NCLN: variants seen among roughly 807,000 people sequenced by gnomAD.
NCLN encodes nicalin, also known as BOS complex subunit NCLN.
Under a neutral mutation model 69.5 loss-of-function variants are expected in NCLN, and 34 were observed. The ratio of observed to expected loss-of-function variants is 0.49; its 90% CI spans 0.37 to 0.65. The LOEUF is 0.65. Ranked by LOEUF, NCLN falls within the 30% of genes least tolerant of loss-of-function variation. The pLI, the probability that NCLN is intolerant of heterozygous loss-of-function variation, is 0.00. For synonymous variants in NCLN, 393 were observed against 358.3 expected, an observed-to-expected ratio of 1.10 and a Z score of -1.09; for missense variants, 710 against 804.8, an observed-to-expected ratio of 0.88 and a Z score of 1.42.
chr19:3,185,966 C>CG lies in NCLN; in HGVS notation c.-62dup. 7.6e-7 allele frequency: 1 copy of CG among 1,319,174 alleles called. No individual in the cohort carries two copies. Among genetic ancestry groups the CG allele is most frequent in the Non-Finnish European group, 9.8e-7 (1 of 1,023,690 alleles). 81.7% of individuals were successfully genotyped at this position (1,319,174 alleles called of 1,614,324 possible). A position where few individuals can be genotyped will look rare whatever the true frequency, so the allele number is the denominator to read the frequency against. On this transcript the variant is annotated 5_prime_UTR_variant, in exon 1 of 15. Transcript: ENST00000246117. The stretch of plus-strand genomic sequence containing the variant: ...GGCTACCCATGCCGAGGTGAGTCCG[C>CG]GGGAGCCGCCGCCGCCGCCGTCCCG...
intron 1 of NCLN, among the ~76,000 whole-genome samples, chr19:3,187,734 G>T (rs1449840632): frequency 6.6e-6 from 1 of 152,154 alleles, no homozygotes. Flanking sequence ...AGAACGATCC[G>T]GCCCTAATGT....
Position 3,186,117 on chromosome 19 carries a change from G to C in NCLN, c.87G>C (p.Val29=). ...PLGFIVFLPA[V]LLLVAPPLPA... is the part of the protein sequence containing the mutation. The stretch of plus-strand genomic sequence containing the variant: ...GCTTCATCGTCTTCCTGCCCGCTGT[G>C]CTGCTGCTGGTGGCGCCGCCGCTGC... Residue 29 remains valine, a synonymous_variant, in exon 1 of 15, where the codon GTG becomes GTC. Coordinates refer to ENST00000246117, the MANE Select transcript of NCLN (RefSeq NM_020170.4). 6.3e-7 allele frequency: 1 copy of C among 1,598,050 alleles called. No individual in the cohort carries two copies. Among genetic ancestry groups the C allele is most frequent in the South Asian group, 1.1e-5 (1 of 89,728 alleles).
In NCLN at chr19:3,185,993, C is replaced by T. The variant is rs1568307723; in HGVS notation, c.-38C>T. 4 of 1,462,732 alleles carry T rather than the reference C, an allele frequency of 2.7e-6. No individual in the cohort carries two copies. Among genetic ancestry groups the T allele is most frequent in the Admixed American group, 2.6e-5 (1 of 38,070 alleles). 90.6% of individuals were successfully genotyped at this position (1,462,732 alleles called of 1,614,324 possible). A position where few individuals can be genotyped will look rare whatever the true frequency, so the allele number is the denominator to read the frequency against. ...GGAGCCGCCGCCGCCGCCGTCCCGTCCCAGCTGCCGCCCCGCGCGGCCCCG... is the reference window on the plus strand; with the variant it reads ...GGAGCCGCCGCCGCCGCCGTCCCGTTCCAGCTGCCGCCCCGCGCGGCCCCG... On this transcript the variant is annotated 5_prime_UTR_variant, in exon 1 of 15. Coordinates refer to ENST00000246117, the MANE Select transcript of NCLN (RefSeq NM_020170.4).
At chr19:3,193,191 C>T in intron 2 of NCLN, 93 bp from the exon 3 acceptor site, 2 of 1,283,846 alleles carry the variant, frequency 1.6e-6, no homozygotes, top group Non-Finnish European at 2.2e-6. Flanking sequence ...ACTGGGCCCC[C>T]TGCTACCCCC....
At position 3,204,769 on chromosome 19, in the gene NCLN, TGCCCGGCCC is replaced by T; in HGVS notation, c.1208+19_1208+27del. 4.1e-6 allele frequency: 6 copies of T among 1,452,964 alleles called. No homozygotes were observed. The highest frequency in any genetic ancestry group is 5.4e-6 in the Non-Finnish European group (6 of 1,102,774). 90.0% of individuals were successfully genotyped at this position (1,452,964 alleles called of 1,614,324 possible). A position where few individuals can be genotyped will look rare whatever the true frequency, so the allele number is the denominator to read the frequency against. ...GACGTGCGGTGAGCGCGGCAGCACC[TGCCCGGCCC>T]CTCCTAGGGCTTTCCTGGGGGCTGA... On this transcript the variant is annotated intron_variant, in intron 9 of 14. Coordinates refer to ENST00000246117, the MANE Select transcript of NCLN (RefSeq NM_020170.4).
At chr19:3,203,716 C>T (rs771571522) in intron 6 of NCLN, 40 bp from the exon 7 acceptor site, 41 of 1,563,470 alleles carry the variant, frequency 2.6e-5, no homozygotes, top group East Asian at 1.4e-4. Context: ...CCACCCCAGG[C>T]GCTTGCCCGT....
Position 3,192,736 on chromosome 19 carries a change from G to A in NCLN, c.375+76G>A, listed in dbSNP as rs562312346. The A allele has an allele frequency of 1.6e-4, 216 of 1,354,908 alleles. No individual in the cohort carries two copies. The African/African-American group carries it at 2.8e-3, about 18-fold the overall frequency. The allele number at this position is 1,354,908 out of a possible 1,614,324, so 83.9% of individuals were successfully genotyped here. A position where few individuals can be genotyped will look rare whatever the true frequency, so the allele number is the denominator to read the frequency against. ...GTTGGAGGCAACTGTGTGACCCTAG[G>A]CGGGTCACTTCGCCTCTCTGAGCCC... is the stretch of plus-strand genomic sequence containing the variant. On this transcript the variant is annotated intron_variant, in intron 2 of 14. Transcript: ENST00000246117.
In NCLN at chr19:3,204,132, G is replaced by A. The variant is rs2144916533; in HGVS notation, c.1017G>A (p.Arg339=). Residue 339 remains arginine, a synonymous_variant, in exon 8 of 15, where the codon CGG becomes CGA. Coordinates refer to ENST00000246117, the MANE Select transcript of NCLN (RefSeq NM_020170.4). The part of the protein sequence containing the change: ...REGTLQHAFL[R]ELETVAAHQF... ...GCACCCTGCAGCACGCCTTCCTGCGGGAGCTGGAGACGGTGGGTGCCCCTT... is the reference window on the plus strand; with the variant it reads ...GCACCCTGCAGCACGCCTTCCTGCGAGAGCTGGAGACGGTGGGTGCCCCTT... The A allele has an allele frequency of 2.6e-6, 4 of 1,513,926 alleles. No individual in the cohort carries two copies. Among genetic ancestry groups the A allele is most frequent in the Non-Finnish European group, 3.5e-6 (4 of 1,133,216 alleles). 93.8% of individuals were successfully genotyped at this position (1,513,926 alleles called of 1,614,324 possible). A position where few individuals can be genotyped will look rare whatever the true frequency, so the allele number is the denominator to read the frequency against.
rs539430219 is a variant in NCLN, at chr19:3,198,956, C to T, written c.696+59C>T. 2.4e-6 allele frequency: 3 copies of T among 1,263,356 alleles called. No homozygotes were observed. In the East Asian group the frequency reaches 8.5e-5, roughly 36 times the overall value. The allele number at this position is 1,263,356 out of a possible 1,614,324, so 78.3% of individuals were successfully genotyped here. A position where few individuals can be genotyped will look rare whatever the true frequency, so the allele number is the denominator to read the frequency against. Reference sequence around the variant, plus strand: ...CAGGGCTTGGATTCTGGCTCCAGTCCAGTGCCGAGGCAAAGCGCCTGTAGG... The same window carrying T: ...CAGGGCTTGGATTCTGGCTCCAGTCTAGTGCCGAGGCAAAGCGCCTGTAGG... On this transcript the variant is annotated intron_variant, in intron 5 of 14. Coordinates refer to ENST00000246117, the MANE Select transcript of NCLN (RefSeq NM_020170.4).
In NCLN at chr19:3,205,229, G is replaced by T. The variant is rs1168591635; in HGVS notation, c.1208+478G>T. 6.6e-6 allele frequency among the ~76,000 whole-genome samples: 1 copy of T among 152,216 alleles called. No individual in the cohort carries two copies. Among genetic ancestry groups the T allele is most frequent in the Non-Finnish European group, 1.5e-5 (1 of 68,028 alleles). On this transcript the variant is annotated intron_variant, in intron 9 of 14. Transcript: ENST00000246117. This position sits in a 1 kb window ranked among gnomAD's most constrained non-coding sequence, Gnocchi z 4.6. ...TGCCATCATGTGAGCCCCTGGGCAG[G>T]CTTTTGTGGAGCCTGGAACTGTCTG...
At position 3,207,929 on chromosome 19, in the gene NCLN, G is replaced by A. The variant is rs1293904474; in HGVS notation, c.*241G>A. 13 of 529,106 alleles carry A rather than the reference G, an allele frequency of 2.5e-5. No individual in the cohort carries two copies. The highest frequency in any genetic ancestry group is 2.2e-4 in the East Asian group (7 of 31,552). The allele number at this position is 529,106 out of a possible 1,614,324, so 32.8% of individuals were successfully genotyped here. A position where few individuals can be genotyped will look rare whatever the true frequency, so the allele number is the denominator to read the frequency against. ...TGGAGGAGAGCTTGGGAGACGTCCC[G>A]GGGCCAGGCTACGGACTTGCGGACG... is the stretch of plus-strand genomic sequence containing the variant. On this transcript the variant is annotated 3_prime_UTR_variant, in exon 15 of 15. Transcript: ENST00000246117.
At chr19:3,191,731 AC>A (rs1420909104) in intron 1 of NCLN, among the ~76,000 whole-genome samples, 2 of 152,092 alleles carry the variant, frequency 1.3e-5, no homozygotes, top group Non-Finnish European at 2.9e-5. Flanking sequence ...GGCTGCACTC[AC>A]CCTGCCTGCA....
At chr19:3,193,923 T>C (rs913014721) in intron 3 of NCLN, among the ~76,000 whole-genome samples, 4 of 152,136 alleles carry the variant, frequency 2.6e-5, no homozygotes, top group East Asian at 3.9e-4. Flanking sequence ...TGGTGGGACC[T>C]GTGGTGGGGA....
In NCLN at chr19:3,193,273, C is replaced by G; in HGVS notation, c.376-11C>G. The stretch of plus-strand genomic sequence containing the variant: ...GGCCAGCAGCCCCCTAAGTGTGTGT[C>G]TGCTCCACAGCAATTCATGGAGATC... On this transcript the variant is annotated splice_polypyrimidine_tract_variant and intron_variant, in intron 2 of 14. Coordinates refer to ENST00000246117, the MANE Select transcript of NCLN (RefSeq NM_020170.4). 6.2e-7 allele frequency: 1 copy of G among 1,607,580 alleles called. No homozygotes were observed. The highest frequency in any genetic ancestry group is 8.5e-7 in the Non-Finnish European group (1 of 1,177,724).
chr19:3,196,915 CCTCA>C, intron 4 of NCLN, among the ~76,000 whole-genome samples: 1 of 152,244 alleles, frequency 6.6e-6, no homozygotes, highest in Non-Finnish European at 1.5e-5. Context: ...TGAGGGGTTG[CCTCA>C]CTGTCGGGGG....
rs1319954073 is a variant in NCLN at position 3,205,316 on chromosome 19, C to G, written c.1208+565C>G. ...AGCAGGTGGGCGCCGTCTCCTCCCC[C>G]AGCGCCCGCAGTCCCGGCATAGATC... On this transcript the variant is annotated intron_variant, in intron 9 of 14. Coordinates refer to ENST00000246117, the MANE Select transcript of NCLN (RefSeq NM_020170.4). The surrounding 1 kb of genome is among the most constrained non-coding windows in gnomAD (Gnocchi z 4.6). Among the ~76,000 whole-genome samples, 1 of 152,164 alleles carries G rather than the reference C, an allele frequency of 6.6e-6. No homozygotes were observed. Among genetic ancestry groups the G allele is most frequent in the Non-Finnish European group, 1.5e-5 (1 of 68,030 alleles).
chr19:3,195,937 A>G (rs1915944097), intron 3 of NCLN, among the ~76,000 whole-genome samples: 1 of 152,186 alleles, frequency 6.6e-6, no homozygotes, highest in Admixed American at 6.5e-5. Context: ...GGAGGAAAGG[A>G]TCAGAATGGC....
In NCLN at chr19:3,207,683, C is replaced by A; in HGVS notation, c.1687C>A (p.Gln563Lys). The A allele has an allele frequency of 6.2e-7, 1 of 1,612,352 alleles. No homozygotes were observed. The highest frequency in any genetic ancestry group is 8.5e-7 in the Non-Finnish European group (1 of 1,179,498). The change falls in exon 15 of 15, where the codon CAG becomes AAG. Residue 563 changes from glutamine (Q) to lysine (K), a missense_variant. Coordinates refer to ENST00000246117, the MANE Select transcript of NCLN (RefSeq NM_020170.4). ...GAGGCTGCTCGTGAAGGCCAAGACA[C>A]AGTGACACAGCCACCCCCACAGCCG... is the stretch of plus-strand genomic sequence containing the variant. ...VQRLLVKAKTQ is the reference protein window; with the variant it reads ...VQRLLVKAKTK
chr19:3,201,513 G>A lies in NCLN; in HGVS notation c.697-10G>A, dbSNP rs544186420. On this transcript the variant is annotated splice_polypyrimidine_tract_variant and intron_variant, in intron 5 of 14. Coordinates refer to ENST00000246117, the MANE Select transcript of NCLN (RefSeq NM_020170.4). The stretch of plus-strand genomic sequence containing the variant: ...GGGTGACTGTGGCCTTGCCTCTCCC[G>A]TCCCTGTAGTGGCTGTCGCTGGGCG... The A allele has an allele frequency of 1.4e-5, 22 of 1,547,096 alleles. No individual in the cohort carries two copies. In the African/African-American group the frequency reaches 1.9e-4, roughly 13 times the overall value.
Sources: gnomAD v4.1 joint callset for allele counts (sites outside exome capture counted in the v4.1 genomes callset) on GRCh38, gnomAD v4.1.1 for gene constraint, Gnocchi (gnomAD v3.1) non-coding constraint, MANE v1.5 for transcripts, NCBI Gene and HGNC (gene_info 2026-07-23, HGNC 2026-07-21) for gene names.